NUP214: variants seen among roughly 807,000 people sequenced by gnomAD.
NUP214 encodes the protein nucleoporin 214.
Under a neutral mutation model 196.2 loss-of-function variants are expected in NUP214, and 79 were observed. That is an observed-to-expected ratio of 0.40 (90% CI 0.34 to 0.49). The LOEUF is 0.49. Ranked by LOEUF, NUP214 falls within the 20% of genes least tolerant of loss-of-function variation. The pLI is 0.58. For missense variants in NUP214, 2,468 were observed against 2,539.0 expected (o/e 0.97, Z 0.60); for synonymous variants, 1,020 against 990.5 (o/e 1.03, Z -0.56).
In NUP214 at chr9:131,198,304, G is replaced by C. The variant is rs1291092751; in HGVS notation, c.4810G>C (p.Ala1604Pro). ...TAVTAAAISS[A>P]GPVAVETSST... is the part of the protein sequence containing the mutation. ...TGTCACAGCAGCTGCTATCTCAAGT[G>C]CAGGCCCTGTGGCCGTCGAAACATC... is the stretch of plus-strand genomic sequence containing the variant. Residue 1604 changes from alanine to proline, a missense_variant, in exon 29 of 36, where the codon GCA (alanine) becomes CCA (proline). This residue lies in a region of NUP214 where 1,801 missense variants were observed against 1,779.4 expected (regional missense o/e 1.01). Coordinates refer to ENST00000359428, the MANE Select transcript of NUP214 (RefSeq NM_005085.4). 3.1e-6 allele frequency: 5 copies of C among 1,614,092 alleles called. No individual in the cohort carries two copies. The highest frequency in any genetic ancestry group is 2.5e-6 in the Non-Finnish European group (3 of 1,180,052).
chr9:131,154,316 C>T (rs1215104178), intron 17 of NUP214, among the ~76,000 whole-genome samples: 1 of 151,980 alleles, frequency 6.6e-6, no homozygotes, highest in Non-Finnish European at 1.5e-5. Flanking sequence ...GATTTTGGTG[C>T]ACCCATCATC....
At chr9:131,132,496 G>A in intron 5 of NUP214, 100 bp from the exon 6 acceptor site, 2 of 1,002,202 alleles carry the variant, frequency 2.0e-6, no homozygotes, top group Non-Finnish European at 3.1e-6. Context: ...CCAAGGAGAT[G>A]GAACAGGTAG....
At chr9:131,151,670 T>G in intron 16 of NUP214, 66 bp from the exon 17 acceptor site, 2 of 1,311,224 alleles carry the variant, frequency 1.5e-6, no homozygotes, top group Non-Finnish European at 2.1e-6. Context: ...CCACCTTCCT[T>G]GATCCAAACA....
rs1383456230 is a variant in NUP214 at position 131,234,123 on chromosome 9, G to A, written c.*636G>A. The A allele has an allele frequency of 1.7e-5, 4 of 233,448 alleles. No homozygotes were observed. The highest frequency in any genetic ancestry group is 8.8e-5 in the African/African-American group (4 of 45,344). The allele number at this position is 233,448 out of a possible 1,614,324, so 14.5% of individuals were successfully genotyped here. On this transcript the variant is annotated 3_prime_UTR_variant, in exon 36 of 36. Transcript: ENST00000359428. ...CCAGCGTGAGGCAGGACAGTGCTGC[G>A]CCTTAGCCGGCCTTGGCTCTCATCT...
intron 35 of NUP214, 126 bp from the exon 36 acceptor site, chr9:131,233,326 ACT>A (rs1390162911): frequency 1.5e-5 from 13 of 885,874 alleles, no homozygotes; most frequent in African/African-American, 3.4e-5. Flanking sequence ...ATAGAGTGAG[ACT>A]CTGTATCAAA....
intron 30 of NUP214, among the ~76,000 whole-genome samples, chr9:131,214,041 A>G (rs1834325045): frequency 6.6e-6 from 1 of 152,186 alleles, no homozygotes; most frequent in South Asian, 2.1e-4. Flanking sequence ...GTGTGGACGT[A>G]GACTGTAGTG....
At chr9:131,142,186 C>A (rs1831937629) in intron 11 of NUP214, among the ~76,000 whole-genome samples, 1 of 152,158 alleles carries the variant, frequency 6.6e-6, no homozygotes, top group Admixed American at 6.5e-5. Flanking sequence ...ACTACCTATA[C>A]CCAGCTGCCT....
intron 14 of NUP214, among the ~76,000 whole-genome samples, chr9:131,149,019 A>T (rs1425957247): frequency 6.6e-6 from 1 of 152,208 alleles, no homozygotes; most frequent in Non-Finnish European, 1.5e-5. Context: ...TTAGATTTGT[A>T]GTCCATCATC....
At chr9:131,208,378 T>G (rs988593944) in intron 30 of NUP214, among the ~76,000 whole-genome samples, 3 of 152,210 alleles carry the variant, frequency 2.0e-5, no homozygotes, top group Admixed American at 6.5e-5. Flanking sequence ...ATACATTCCA[T>G]GGGATATTTT....
rs771868290 is a variant in NUP214 at position 131,230,739 on chromosome 9, G to A, written c.6184G>A (p.Gly2062Arg). The A allele has an allele frequency of 8.7e-6, 14 of 1,613,876 alleles. No individual in the cohort carries two copies. Among genetic ancestry groups the A allele is most frequent in the South Asian group, 3.3e-5 (3 of 91,072 alleles). ...QTSGFGTQSSGFSGFGSGTGG... is the reference protein window; with the variant it reads ...QTSGFGTQSSRFSGFGSGTGG... Reference sequence around the variant, plus strand: ...TTCTGGTTTTGGGACCCAGAGTAGCGGATTCTCTGGTTTTGGATCAGGCAC... The same window carrying A: ...TTCTGGTTTTGGGACCCAGAGTAGCAGATTCTCTGGTTTTGGATCAGGCAC... The change falls in exon 34 of 36, where the codon GGA becomes AGA. Residue 2062 changes from glycine to arginine, a missense_variant. This residue lies in a region of NUP214 where 262 missense variants were observed against 296.5 expected (regional missense o/e 0.88). Transcript: ENST00000359428.
rs1205292921 is a variant in NUP214 at position 131,130,031 on chromosome 9, A to G, written c.592+554A>G. Among the ~76,000 whole-genome samples, 4 of 151,698 alleles carry G rather than the reference A, an allele frequency of 2.6e-5. No homozygotes were observed. The East Asian group carries it at 7.7e-4, about 29-fold the overall frequency. On this transcript the variant is annotated intron_variant, in intron 4 of 35. Coordinates refer to ENST00000359428, the MANE Select transcript of NUP214 (RefSeq NM_005085.4). ...TGGTTTAGAAGTGTTTTTTGGGAAT[A>G]ATTGTTTCTGGATCTGTAACGGTGG...
At chr9:131,231,186 A>C (rs113424258) in intron 34 of NUP214, among the ~76,000 whole-genome samples, 6,162 of 151,782 alleles carry the variant, frequency 0.041, 166 homozygotes, top group African/African-American at 0.078. Flanking sequence ...AAGTGGTTGA[A>C]ACATATATAT....
At chr9:131,177,120 A>G (rs1285512920) in intron 23 of NUP214, among the ~76,000 whole-genome samples, 1 of 152,156 alleles carries the variant, frequency 6.6e-6, no homozygotes, top group Non-Finnish European at 1.5e-5. Context: ...GTTTTTTTTA[A>G]AGACTAAAAA....
intron 1 of NUP214, 80 bp from the exon 2 acceptor site, chr9:131,127,444 C>A: frequency 8.7e-7 from 1 of 1,146,406 alleles, no homozygotes; most frequent in Non-Finnish European, 1.3e-6. Context: ...TTTTGTTGTA[C>A]TGAAATTGGG....
chr9:131,228,531 G>C lies in NUP214; in HGVS notation c.6074+200G>C, dbSNP rs1588182193. 25 of 487,086 alleles carry C rather than the reference G, an allele frequency of 5.1e-5. No individual in the cohort carries two copies. The East Asian group carries it at 9.4e-4, about 18-fold the overall frequency. The allele number at this position is 487,086 out of a possible 1,614,324, so 30.2% of individuals were successfully genotyped here. ...CAAGCCAGGCTTTGTTGAATTCATG[G>C]TGGACCTCAGCTGTGTTGCTGTTCC... On this transcript the variant is annotated intron_variant, in intron 33 of 35. Coordinates refer to ENST00000359428, the MANE Select transcript of NUP214 (RefSeq NM_005085.4).
chr9:131,165,450 G>A (rs1832760562), intron 21 of NUP214, among the ~76,000 whole-genome samples: 1 of 152,060 alleles, frequency 6.6e-6, no homozygotes, highest in Non-Finnish European at 1.5e-5. Flanking sequence ...AAATTCATGA[G>A]CCCTTACTAT....
chr9:131,187,253 G>A, intron 24 of NUP214, 36 bp from the exon 25 acceptor site: 1 of 1,569,290 alleles, frequency 6.4e-7, no homozygotes, highest in Non-Finnish European at 8.8e-7. Context: ...ACCTAGTCAT[G>A]CCTTTCTCTG....
chr9:131,208,242 T>C (rs1027499182), intron 30 of NUP214, among the ~76,000 whole-genome samples: 10 of 152,076 alleles, frequency 6.6e-5, no homozygotes, highest in African/African-American at 2.2e-4. Context: ...CCAAAGGAAT[T>C]GAAAAAAAGG....
Position 131,132,636 on chromosome 9 carries a change from A to G in NUP214, c.704A>G (p.Tyr235Cys). 2 of 1,614,090 alleles carry G rather than the reference A, an allele frequency of 1.2e-6. No individual in the cohort carries two copies. The highest frequency in any genetic ancestry group is 2.2e-5 in the East Asian group (1 of 44,872). Residue 235 changes from tyrosine (Y) to cysteine (C), a missense_variant, in exon 6 of 36, where the codon TAT becomes TGT. Physicochemically the swap from Tyr to Cys is radical, Grantham distance 194 (BLOSUM62 -2). Transcript: ENST00000359428. ...AAAGTCATTCCTTGTCCTCCGTTTT[A>G]TGAGTCAGATCATCCTGTCAGAGGT... ...EKKVIPCPPFYESDHPVRVLD... is the reference protein window; with the variant it reads ...EKKVIPCPPFCESDHPVRVLD...
Sources: gnomAD v4.1 joint callset for allele counts (sites outside exome capture counted in the v4.1 genomes callset) on GRCh38, gnomAD v4.1.1 for gene constraint, gnomAD v4.1.1 regional missense constraint, MANE v1.5 for transcripts, NCBI Gene and HGNC (gene_info 2026-07-23, HGNC 2026-07-21) for gene names.